Variants in WDFY1 observed in about 807,000 individuals in gnomAD.
WDFY1 encodes the protein WD repeat and FYVE domain-containing protein 1.
In WDFY1, 32 loss-of-function variants were observed where a neutral mutation model predicts 56.4. The ratio of observed to expected loss-of-function variants is 0.57; its 90% CI spans 0.43 to 0.76. The LOEUF is 0.76. Among genes scored for constraint, WDFY1 ranks in the 30% least tolerant of loss-of-function variants. WDFY1 has a pLI of 0.00. For missense variants in WDFY1, 480 were observed against 545.7 expected (o/e 0.88, Z 1.20); for synonymous variants, 192 against 197.3 (o/e 0.97, Z 0.23).
chr2:223,923,436 C>T (rs965283341), intron 1 of WDFY1, among the ~76,000 whole-genome samples: 5 of 152,126 alleles, frequency 3.3e-5, no homozygotes, highest in East Asian at 3.8e-4. Context: ...TTGAAAGCAA[C>T]ATAATAATAG....
At chr2:223,935,142 C>A (rs1694147487) in intron 1 of WDFY1, among the ~76,000 whole-genome samples, 1 of 152,092 alleles carries the variant, frequency 6.6e-6, no homozygotes. Context: ...ACCAAAAATG[C>A]CCCCATCAAT....
intron 6 of WDFY1, among the ~76,000 whole-genome samples, chr2:223,897,388 A>T (rs190058970): frequency 0.92 from 115,555 of 124,952 alleles, 53,511 homozygotes; most frequent in South Asian, 0.96. Context: ...ATATATATAT[A>T]TATTTTTTAA....
At chr2:223,892,792 T>C (rs1479417044) in intron 8 of WDFY1, among the ~76,000 whole-genome samples, 1 of 152,228 alleles carries the variant, frequency 6.6e-6, no homozygotes, top group Non-Finnish European at 1.5e-5. Flanking sequence ...GACAGGATAC[T>C]GAACAGATCA....
chr2:223,915,020 C>T (rs1041693803), intron 2 of WDFY1, among the ~76,000 whole-genome samples: 12 of 152,292 alleles, frequency 7.9e-5, no homozygotes, highest in Non-Finnish European at 1.5e-4. Flanking sequence ...GGATAATCTG[C>T]GGATAGCTTT....
chr2:223,907,006 G>A (rs758929265), intron 3 of WDFY1, among the ~76,000 whole-genome samples: 72 of 149,984 alleles, frequency 4.8e-4, no homozygotes, highest in Non-Finnish European at 7.1e-4. Flanking sequence ...ACAGAGTCTC[G>A]CTCTGTCACC....
intron 8 of WDFY1, among the ~76,000 whole-genome samples, chr2:223,892,610 C>T (rs1445475108): frequency 1.3e-5 from 2 of 152,164 alleles, no homozygotes; most frequent in Non-Finnish European, 2.9e-5. Flanking sequence ...CCCTTGATCA[C>T]TTCTACTGGA....
At chr2:223,906,750 C>T (rs1016237550) in intron 3 of WDFY1, among the ~76,000 whole-genome samples, 33 of 151,996 alleles carry the variant, frequency 2.2e-4, no homozygotes, top group African/African-American at 7.7e-4. Context: ...GAACTCCTGA[C>T]CTCAGGTGAT....
At chr2:223,894,197 CT>C (rs1469612261) in intron 8 of WDFY1, 36 bp downstream of exon 8, 1 of 1,607,316 alleles carries the variant, frequency 6.2e-7, no homozygotes, top group Non-Finnish European at 8.5e-7. Flanking sequence ...TCCTGGGGGT[CT>C]CCCCCGATCA....
intron 5 of WDFY1, among the ~76,000 whole-genome samples, chr2:223,899,888 T>C (rs923899143): frequency 6.6e-6 from 1 of 152,202 alleles, no homozygotes; most frequent in African/African-American, 2.4e-5. Flanking sequence ...AAGACATGAA[T>C]CCATGTTTCT....
chr2:223,926,471 T>C (rs2106097327), intron 1 of WDFY1, among the ~76,000 whole-genome samples: 1 of 152,244 alleles, frequency 6.6e-6, no homozygotes, highest in South Asian at 2.1e-4. Flanking sequence ...AAGTTGAAAT[T>C]ACTCCTTGAT....
At chr2:223,939,425 G>T (rs1457281534) in intron 1 of WDFY1, among the ~76,000 whole-genome samples, 1 of 152,172 alleles carries the variant, frequency 6.6e-6, no homozygotes, top group Non-Finnish European at 1.5e-5. Context: ...CCTCTACCTA[G>T]ATGCCAGTAT....
intron 4 of WDFY1, among the ~76,000 whole-genome samples, chr2:223,902,986 A>T (rs552290741): frequency 2.0e-5 from 3 of 152,180 alleles, no homozygotes; most frequent in Non-Finnish European, 4.4e-5. Context: ...TATTTCTAAG[A>T]TTATATCCTT....
intron 2 of WDFY1, among the ~76,000 whole-genome samples, chr2:223,917,684 T>C (rs1693811476): frequency 6.6e-6 from 1 of 152,162 alleles, no homozygotes; most frequent in South Asian, 2.1e-4. Context: ...GTGATTCTCC[T>C]GCCTCAGCCT....
At position 223,878,704 on chromosome 2, in the gene WDFY1, G is replaced by T. The variant is rs781212942; in HGVS notation, c.1200C>A (p.Gly400=). 1 of 1,613,624 alleles carries T rather than the reference G, an allele frequency of 6.2e-7. No individual in the cohort carries two copies. Among genetic ancestry groups the T allele is most frequent in the Non-Finnish European group, 8.5e-7 (1 of 1,179,816 alleles). The change falls in exon 12 of 12, where the codon GGC becomes GGA. Residue 400 remains glycine (G), a synonymous_variant. Transcript: ENST00000233055. ...GAGAAAACCCAGTCGCCAGACTGCA[G>T]CCCACCACAGGTGTCATGTCCCAGA... is the stretch of plus-strand genomic sequence containing the variant. ...VKIWDMTPVV[G]CSLATGFSPH
rs1018403640 is a variant in WDFY1, at chr2:223,875,843, A to G, written c.*2828T>C. The G allele has an allele frequency of 6.6e-6, 1 of 152,158 alleles. No homozygotes were observed. The highest frequency in any genetic ancestry group is 2.4e-5 in the African/African-American group (1 of 41,440). 9.4% of individuals were successfully genotyped at this position (152,158 alleles called of 1,614,324 possible). On this transcript the variant is annotated 3_prime_UTR_variant, in exon 12 of 12. Transcript: ENST00000233055. Reference sequence around the variant, plus strand: ...CGGAAGTAGAAGTACTTTAACGAAAACTGATTTTAGAAAAATATCTCCTTG... The same window carrying G: ...CGGAAGTAGAAGTACTTTAACGAAAGCTGATTTTAGAAAAATATCTCCTTG...
At chr2:223,905,030 G>A (rs1037101547) in intron 4 of WDFY1, among the ~76,000 whole-genome samples, 5 of 152,174 alleles carry the variant, frequency 3.3e-5, no homozygotes, top group Admixed American at 6.5e-5. Context: ...GGGAATATGC[G>A]TAAAATCATA....
chr2:223,890,628 A>G (rs1203206061), intron 8 of WDFY1, among the ~76,000 whole-genome samples: 1 of 152,182 alleles, frequency 6.6e-6, no homozygotes, highest in Non-Finnish European at 1.5e-5. Flanking sequence ...GAAGAGCAAG[A>G]GAGAGTATTA....
At chr2:223,945,025 G>C in intron 1 of WDFY1, 123 bp downstream of exon 1, 1 of 1,138,726 alleles carries the variant, frequency 8.8e-7, no homozygotes, top group Non-Finnish European at 1.2e-6. Flanking sequence ...GGCGCAGAGT[G>C]GGGGTGGGGC....
chr2:223,932,977 GAATA>G (rs143215309), intron 1 of WDFY1, among the ~76,000 whole-genome samples: 2,180 of 151,648 alleles, frequency 0.014, 50 homozygotes, highest in African/African-American at 0.05. Flanking sequence ...TGTTTTTATC[GAATA>G]AATAGCAATT....
Sources: gnomAD v4.1 joint callset for allele counts (sites outside exome capture counted in the v4.1 genomes callset) on GRCh38, gnomAD v4.1.1 for gene constraint, MANE v1.5 for transcripts, NCBI Gene and HGNC (gene_info 2026-07-23, HGNC 2026-07-21) for gene names.